KASH5: variants seen among roughly 807,000 people sequenced by gnomAD.
KASH5 encodes the protein KASH domain containing 5, also known as protein KASH5.
Under a neutral mutation model 84.2 loss-of-function variants are expected in KASH5, and 72 were observed. The ratio of observed to expected loss-of-function variants is 0.85; its 90% CI spans 0.71 to 1.04. The LOEUF (loss-of-function observed/expected upper bound fraction) is 1.04. Ranked by LOEUF, KASH5 falls within the 50% of genes least tolerant of loss-of-function variation. The probability of loss-of-function intolerance (pLI) is 0.00; values close to 1 mark genes in which losing one functional copy is unlikely to be tolerated. For missense variants in KASH5, 650 were observed against 701.0 expected (o/e 0.93, Z 0.82); for synonymous variants, 260 against 279.1 (o/e 0.93, Z 0.68).
At position 49,409,013 on chromosome 19, in the gene KASH5, C is replaced by A. The variant is rs1430325860; in HGVS notation, c.1040C>A (p.Thr347Asn). ...ISRLEEQLSQTYEGPDELPEG... is the reference protein window; with the variant it reads ...ISRLEEQLSQNYEGPDELPEG... Reference sequence around the variant, plus strand: ...CGCCTGGAGGAGCAGCTGAGTCAGACCTATGAGGGGCCCGATGAGTGAGTG... The same window carrying A: ...CGCCTGGAGGAGCAGCTGAGTCAGAACTATGAGGGGCCCGATGAGTGAGTG... The change falls in exon 13 of 20, where the codon ACC becomes AAC. Residue 347 changes from threonine to asparagine, a missense_variant. Transcript: ENST00000447857. 3.1e-6 allele frequency: 5 copies of A among 1,593,474 alleles called. No individual in the cohort carries two copies. The highest frequency in any genetic ancestry group is 4.3e-6 in the Non-Finnish European group (5 of 1,170,212).
rs2122246090 is a variant in KASH5, at chr19:49,416,686, C to G, written c.1375-329C>G. ...TTGAATAGCTCACACAGACATTGAG[C>G]ACTCACTATGTACCAGGCGCTGTCC... On this transcript the variant is annotated intron_variant, in intron 17 of 19. Coordinates refer to ENST00000447857, the MANE Select transcript of KASH5 (RefSeq NM_144688.5). This position sits in a 1 kb window ranked among gnomAD's most constrained non-coding sequence, Gnocchi z 5.4. Among the ~76,000 whole-genome samples, 1 of 152,268 alleles carries G rather than the reference C, an allele frequency of 6.6e-6. No homozygotes were observed. Among genetic ancestry groups the G allele is most frequent in the South Asian group, 2.1e-4 (1 of 4,818 alleles).
rs560323445 is a variant in KASH5, at chr19:49,414,690, G to A, written c.1329-261G>A. 1.4e-5 allele frequency among the ~76,000 whole-genome samples: 2 copies of A among 147,922 alleles called. No individual in the cohort carries two copies. The highest frequency in any genetic ancestry group is 2.1e-4 in the South Asian group (1 of 4,784). On this transcript the variant is annotated intron_variant, in intron 16 of 19. Coordinates refer to ENST00000447857, the MANE Select transcript of KASH5 (RefSeq NM_144688.5). The surrounding 1 kb of genome is among the most constrained non-coding windows in gnomAD (Gnocchi z 4.5). ...TGCAGGACACCCCCCAGGCCCGTCC[G>A]TGCTGCCTGGCCTCCCCCAGGCCCG...
At chr19:49,411,527 C>G (rs1974708463) in intron 15 of KASH5, among the ~76,000 whole-genome samples, 1 of 152,168 alleles carries the variant, frequency 6.6e-6, no homozygotes, top group South Asian at 2.1e-4. Flanking sequence ...CCAATGGTCA[C>G]ACAGCTTGTT....
rs775404877 is a variant in KASH5, at chr19:49,416,977, A to C, written c.1375-38A>C. On this transcript the variant is annotated intron_variant, in intron 17 of 19. Coordinates refer to ENST00000447857, the MANE Select transcript of KASH5 (RefSeq NM_144688.5). This position sits in a 1 kb window ranked among gnomAD's most constrained non-coding sequence, Gnocchi z 5.4. ...CTGACCTGAGCACCTCTCAGTCCAG[A>C]ACCCGGTGCCTCCAACGCATCTCTT... The C allele has an allele frequency of 1.3e-5, 20 of 1,556,752 alleles. No individual in the cohort carries two copies. In the South Asian group the frequency reaches 2.4e-4, roughly 18 times the overall value.
rs1339118572 is a variant in KASH5, at chr19:49,412,120, A to G, written c.1270-848A>G. ...AGATCATGAAAGGAAATCTCTGACA[A>G]GCTAACAGATTGTACTTTTCTTCAT... On this transcript the variant is annotated intron_variant, in intron 15 of 19. Coordinates refer to ENST00000447857, the MANE Select transcript of KASH5 (RefSeq NM_144688.5). The surrounding 1 kb of genome is among the most constrained non-coding windows in gnomAD (Gnocchi z 4.6). Among the ~76,000 whole-genome samples, 1 of 152,160 alleles carries G rather than the reference A, an allele frequency of 6.6e-6. No homozygotes were observed. Among genetic ancestry groups the G allele is most frequent in the Non-Finnish European group, 1.5e-5 (1 of 68,016 alleles).
chr19:49,409,186 G>A lies in KASH5; in HGVS notation c.1059-10G>A. On this transcript the variant is annotated splice_polypyrimidine_tract_variant and intron_variant, in intron 13 of 19. Coordinates refer to ENST00000447857, the MANE Select transcript of KASH5 (RefSeq NM_144688.5). ...GAGGCCATCTTCCTCCCTCCTTCCT[G>A]TGTGGCCAGGCTACCTGAAGGGGCC... 1 of 1,612,570 alleles carries A rather than the reference G, an allele frequency of 6.2e-7. No individual in the cohort carries two copies. The highest frequency in any genetic ancestry group is 8.5e-7 in the Non-Finnish European group (1 of 1,178,836).
chr19:49,402,930 AAGGTGGTCTCTGGGAAG>A (rs1468724868), intron 9 of KASH5, among the ~76,000 whole-genome samples: 18 of 151,842 alleles, frequency 1.2e-4, no homozygotes, highest in Admixed American at 1.3e-4. Flanking sequence ...CTCTGGGAAG[AAGGTGGTCTCTGGGAAG>A]AAGGTGGTCT....
Position 49,406,979 on chromosome 19 carries a change from A to C in KASH5, c.876+16A>C. ...CACTTTGAAGGTGCCACTCCTTCCT[A>C]GTGCCTGACAACTTTCCACCACCCC... On this transcript the variant is annotated intron_variant, in intron 10 of 19. Transcript: ENST00000447857. 6.4e-7 allele frequency: 1 copy of C among 1,571,874 alleles called. No homozygotes were observed. The highest frequency in any genetic ancestry group is 8.6e-7 in the Non-Finnish European group (1 of 1,158,318).
At chr19:49,402,451 A>G (rs559859179) in intron 9 of KASH5, among the ~76,000 whole-genome samples, 1 of 152,214 alleles carries the variant, frequency 6.6e-6, no homozygotes, top group South Asian at 2.1e-4. Context: ...TCACGCTTGT[A>G]ATCCCAGCAT....
In KASH5 at chr19:49,395,889, G is replaced by T; in HGVS notation, c.400+56G>T. The T allele has an allele frequency of 6.9e-7, 1 of 1,442,188 alleles. No individual in the cohort carries two copies. The highest frequency in any genetic ancestry group is 1.2e-5 in the South Asian group (1 of 81,514). The allele number at this position is 1,442,188 out of a possible 1,614,324, so 89.3% of individuals were successfully genotyped here. A position where few individuals can be genotyped will look rare whatever the true frequency, so the allele number is the denominator to read the frequency against. On this transcript the variant is annotated intron_variant, in intron 5 of 19. Coordinates refer to ENST00000447857, the MANE Select transcript of KASH5 (RefSeq NM_144688.5). This position sits in a 1 kb window ranked among gnomAD's most constrained non-coding sequence, Gnocchi z 4.4. ...CAGGCCCTGGGTCAGACAGTGTGGGGACTTACCACCCAGGGCAGAGCAAGG... is the reference window on the plus strand; with the variant it reads ...CAGGCCCTGGGTCAGACAGTGTGGGTACTTACCACCCAGGGCAGAGCAAGG...
At chr19:49,407,448 C>T (rs560026795) in intron 11 of KASH5, among the ~76,000 whole-genome samples, 152 bp downstream of exon 11, 2 of 152,238 alleles carry the variant, frequency 1.3e-5, no homozygotes, top group South Asian at 2.1e-4. Flanking sequence ...AGTGTGACCC[C>T]TCAGGGATCT....
At chr19:49,415,211 T>C in intron 17 of KASH5, 1 of 604,476 alleles carries the variant, frequency 1.7e-6, no homozygotes, top group Non-Finnish European at 2.9e-6. Context: ...GCGGCCAGGC[T>C]GCTCCCAGGG....
At chr19:49,411,541 G>A (rs941367154) in intron 15 of KASH5, among the ~76,000 whole-genome samples, 1 of 152,142 alleles carries the variant, frequency 6.6e-6, no homozygotes, top group Non-Finnish European at 1.5e-5. Flanking sequence ...GCTTGTTGGG[G>A]ACAGAGCCTC....
chr19:49,397,556 G>T, intron 5 of KASH5, 95 bp from the exon 6 acceptor site: 1 of 1,067,634 alleles, frequency 9.4e-7, no homozygotes, highest in Non-Finnish European at 1.4e-6. Flanking sequence ...CACAGGTGAG[G>T]GTGGAGGCAG....
intron 5 of KASH5, among the ~76,000 whole-genome samples, chr19:49,397,036 T>C (rs1270237899): frequency 2.1e-5 from 3 of 145,058 alleles, no homozygotes; most frequent in Admixed American, 1.4e-4. Context: ...GCCTGGGCAA[T>C]AGAGCAGGAT....
chr19:49,415,077 C>A, intron 17 of KASH5, 81 bp downstream of exon 17: 2 of 1,356,770 alleles, frequency 1.5e-6, no homozygotes, highest in East Asian at 2.4e-5. Context: ...TCTTCCCAAG[C>A]CCCAGCCTCA....
Position 49,412,344 on chromosome 19 carries a change from GGGTGATGGGGA to G in KASH5, c.1270-621_1270-611del, listed in dbSNP as rs1365547104. 1.3e-5 allele frequency among the ~76,000 whole-genome samples: 2 copies of G among 151,838 alleles called. No individual in the cohort carries two copies. The highest frequency in any genetic ancestry group is 4.8e-5 in the African/African-American group (2 of 41,314). ...ACAGAGCAGGGGTCAGACGGGATGT[GGGTGATGGGGA>G]GGGAGGAAAGGAGGCAAGACTTGGA... is the stretch of plus-strand genomic sequence containing the variant. On this transcript the variant is annotated intron_variant, in intron 15 of 19. Coordinates refer to ENST00000447857, the MANE Select transcript of KASH5 (RefSeq NM_144688.5). This position sits in a 1 kb window ranked among gnomAD's most constrained non-coding sequence, Gnocchi z 4.6.
chr19:49,395,975 T>C lies in KASH5; in HGVS notation c.400+142T>C, dbSNP rs1318788411. 1 of 660,044 alleles carries C rather than the reference T, an allele frequency of 1.5e-6. No homozygotes were observed. Among genetic ancestry groups the C allele is most frequent in the African/African-American group, 1.8e-5 (1 of 55,238 alleles). The allele number at this position is 660,044 out of a possible 1,614,324, so 40.9% of individuals were successfully genotyped here. On this transcript the variant is annotated intron_variant, in intron 5 of 19. Transcript: ENST00000447857. This position sits in a 1 kb window ranked among gnomAD's most constrained non-coding sequence, Gnocchi z 4.4. The stretch of plus-strand genomic sequence containing the variant: ...AGAGCTGTGAGTGTGGCTTTCTAGG[T>C]CCTCCGTCCCTTCCTTCCGTGAGCT...
intron 2 of KASH5, 21 bp from the exon 3 acceptor site, chr19:49,394,455 T>C (rs1974107051): frequency 6.3e-7 from 1 of 1,592,210 alleles, no homozygotes; most frequent in Non-Finnish European, 8.6e-7. Flanking sequence ...ACTGGTGAGC[T>C]GAGCCCTCTT....
Sources: gnomAD v4.1 joint callset for allele counts (sites outside exome capture counted in the v4.1 genomes callset) on GRCh38, gnomAD v4.1.1 for gene constraint, Gnocchi (gnomAD v3.1) non-coding constraint, MANE v1.5 for transcripts, NCBI Gene and HGNC (gene_info 2026-07-23, HGNC 2026-07-21) for gene names.